The following MAP4 variants were observed in gnomAD, a reference collection of about 807,000 sequenced individuals.
The protein encoded by MAP4 is microtubule associated protein 4.
A neutral mutation model predicts 170.2 loss-of-function variants in MAP4; 76 were observed. The observed-to-expected ratio is 0.45, with a 90% CI of 0.37 to 0.54. The LOEUF is 0.54. Ranked by LOEUF, MAP4 falls within the 20% of genes least tolerant of loss-of-function variation. The pLI, the probability that MAP4 is intolerant of heterozygous loss-of-function variation, is 0.00. For synonymous variants in MAP4, 909 were observed against 994.5 expected (o/e 0.91, Z 1.62); for missense variants, 2,506 against 2,748.0 (o/e 0.91, Z 1.97).
intron 9 of MAP4, among the ~76,000 whole-genome samples, chr3:47,907,134 T>C (rs1047969471): frequency 6.6e-6 from 1 of 152,188 alleles, no homozygotes; most frequent in South Asian, 2.1e-4. Context: ...TGCGCCTGGC[T>C]TCTTTATACT....
intron 1 of MAP4, among the ~76,000 whole-genome samples, chr3:48,056,869 C>T (rs2100132205): frequency 7.5e-6 from 1 of 133,000 alleles, no homozygotes; most frequent in Non-Finnish European, 1.6e-5. Flanking sequence ...CCTGCCCGGC[C>T]AGCCACCCCG....
intron 1 of MAP4, among the ~76,000 whole-genome samples, chr3:48,074,229 G>A (rs1255627828): frequency 6.8e-6 from 1 of 145,996 alleles, no homozygotes; most frequent in Non-Finnish European, 1.5e-5. Flanking sequence ...AACACCGCAT[G>A]TTCTCACTCA....
At chr3:47,860,297 C>T (rs921820936) in intron 17 of MAP4, among the ~76,000 whole-genome samples, 1 of 152,230 alleles carries the variant, frequency 6.6e-6, no homozygotes. Flanking sequence ...GTAGCCTCAA[C>T]CTCCCAGGCT....
intron 3 of MAP4, among the ~76,000 whole-genome samples, chr3:47,952,836 A>C (rs2100065345): frequency 6.6e-6 from 1 of 152,014 alleles, no homozygotes; most frequent in African/African-American, 2.4e-5. Flanking sequence ...AGGCAGAAAA[A>C]TTGCTTGAAC....
chr3:47,888,319 T>C (rs2097975106), intron 10 of MAP4, among the ~76,000 whole-genome samples: 1 of 152,128 alleles, frequency 6.6e-6, no homozygotes, highest in Non-Finnish European at 1.5e-5. Flanking sequence ...GGAAGCTTTG[T>C]TCTTTCGTTC....
Position 48,073,612 on chromosome 3 carries a change from A to T in MAP4, c.-20+15161T>A, listed in dbSNP as rs80071710. On this transcript the variant is annotated intron_variant, in intron 1 of 18. Coordinates refer to the MAP4 transcript ENST00000360240. ...GGTGATAAAAGCAAAACTCCATTTC[A>T]AAAAAAAAAAAGAAGAAAAAAAAAG... Among the ~76,000 whole-genome samples, 5 of 145,838 alleles carry T rather than the reference A, an allele frequency of 3.4e-5. No individual in the cohort carries two copies. The East Asian group carries it at 7.9e-4, about 23-fold the overall frequency.
rs373103572 is a variant in MAP4, at chr3:47,909,382, G to A, written c.5039C>T (p.Thr1680Met). ...LKEISLACKI[T>M]ELESVSLPTP... ...TGGCAAGGAAACGCTTTCCAATTCC[G>A]TGATTTTACAAGCCAGACTAATTTC... Residue 1680 changes from threonine (T) to methionine (M), a missense_variant, in exon 9 of 21, where the codon ACG (threonine) becomes ATG (methionine). Thr to Met is a moderately conservative substitution (Grantham distance 81). Transcript: ENST00000683076. The A allele has an allele frequency of 1.6e-5, 26 of 1,613,804 alleles. No homozygotes were observed. Among genetic ancestry groups the A allele is most frequent in the Non-Finnish European group, 1.8e-5 (21 of 1,179,836 alleles).
chr3:47,991,625 C>T (rs955677958), intron 2 of MAP4, among the ~76,000 whole-genome samples: 4 of 152,066 alleles, frequency 2.6e-5, no homozygotes, highest in Non-Finnish European at 5.9e-5. Flanking sequence ...TATGATTGTG[C>T]CACTGCACTC....
At chr3:47,937,151 T>A (rs1157724450) in intron 3 of MAP4, among the ~76,000 whole-genome samples, 1 of 152,144 alleles carries the variant, frequency 6.6e-6, no homozygotes, top group Non-Finnish European at 1.5e-5. Context: ...CATTTTAATT[T>A]TAAAATTAAT....
At chr3:47,865,575 G>T (rs1269819872) in intron 17 of MAP4, among the ~76,000 whole-genome samples, 3 of 152,182 alleles carry the variant, frequency 2.0e-5, no homozygotes, top group Admixed American at 2.0e-4. Context: ...ACAACTGCTG[G>T]GGGTATCTGT....
At chr3:47,917,917 G>A (rs575533109) in intron 6 of MAP4, among the ~76,000 whole-genome samples, 24 of 152,076 alleles carry the variant, frequency 1.6e-4, no homozygotes, top group Non-Finnish European at 2.9e-4. Flanking sequence ...GCATGATCTC[G>A]GCTCCCGGGT....
chr3:48,004,223 T>C (rs1030776581), intron 1 of MAP4, among the ~76,000 whole-genome samples: 1 of 152,200 alleles, frequency 6.6e-6, no homozygotes, highest in African/African-American at 2.4e-5. Flanking sequence ...TGGAGTTGGC[T>C]GCTTAATATG....
In MAP4 at chr3:47,916,639, C is replaced by T; in HGVS notation, c.1188G>A (p.Met396Ile). ...CTATCTTGTTTTCTTTGGGTGGTCC[C>T]ATGTCCTTGGAAGGAGCCAAGTCCA... is the stretch of plus-strand genomic sequence containing the variant. The part of the protein sequence containing the change: ...IKMDLAPSKD[M>I]GPPKENKIVP... The change falls in exon 7 of 21, where the codon ATG becomes ATA. Residue 396 changes from methionine (M) to isoleucine (I), a missense_variant. Physicochemically the swap from Met to Ile is conservative, Grantham distance 10. Transcript: ENST00000683076. The T allele has an allele frequency of 6.2e-7, 1 of 1,614,172 alleles. No homozygotes were observed. The highest frequency in any genetic ancestry group is 8.5e-7 in the Non-Finnish European group (1 of 1,180,020).
chr3:47,916,440 C>T lies in MAP4; in HGVS notation c.1387G>A (p.Asp463Asn). The T allele has an allele frequency of 6.2e-7, 1 of 1,614,182 alleles. No homozygotes were observed. The highest frequency in any genetic ancestry group is 8.5e-7 in the Non-Finnish European group (1 of 1,180,028). ...TCTGCTTCTAAAGGTAGTGCTTTAT[C>T]CTTGGTCAAGATCACGTTGGTTTCC... is the stretch of plus-strand genomic sequence containing the variant. ...PPETNVILTK[D>N]KALPLEAEVA... Residue 463 changes from aspartate (D) to asparagine (N), a missense_variant, in exon 7 of 21, where the codon GAT becomes AAT. By Grantham distance (23) the Asp-to-Asn change is conservative (BLOSUM62 1). Transcript: ENST00000683076.
rs993769144 is a variant in MAP4, at chr3:48,068,179, C to CATTTG, written c.-20+20589_-20+20593dup. Among the ~76,000 whole-genome samples, 4 of 144,268 alleles carry CATTTG rather than the reference C, an allele frequency of 2.8e-5. No individual in the cohort carries two copies. In the Admixed American group the frequency reaches 2.9e-4, roughly 10 times the overall value. The allele number at this position is 144,268 out of a possible 152,430, so 94.6% of individuals were successfully genotyped here. Reference sequence around the variant, plus strand: ...ACTCAGGAGGCTGAGGTGGGAAGATCATTTGAGCCCAGGAGGCAGAGGCTG... The same window carrying CATTTG: ...ACTCAGGAGGCTGAGGTGGGAAGATCATTTGATTTGAGCCCAGGAGGCAGAGGCTG... On this transcript the variant is annotated intron_variant, in intron 1 of 18. Transcript: ENST00000360240.
In MAP4 at chr3:47,909,788, C is replaced by G; in HGVS notation, c.4633G>C (p.Glu1545Gln). ...TCAGATTCTCCTATCACATGCCCTT[C>G]ATCGATCCCTGCTTCATTTTTCATG... ...DSMKNEAGID[E>Q]GHVIGESESV... is the part of the protein sequence containing the mutation. The change falls in exon 9 of 21, where the codon GAA becomes CAA. Residue 1545 changes from glutamate (E) to glutamine (Q), a missense_variant. By Grantham distance (29) the Glu-to-Gln change is conservative. This residue lies in a region of MAP4 where 2,008 missense variants were observed against 2,206.0 expected (regional missense o/e 0.91). Coordinates refer to ENST00000683076, the MANE Select transcript of MAP4 (RefSeq NM_001385682.1). 1.9e-6 allele frequency: 3 copies of G among 1,614,026 alleles called. No homozygotes were observed. The highest frequency in any genetic ancestry group is 2.5e-6 in the Non-Finnish European group (3 of 1,179,896).
At chr3:48,055,146 T>C (rs1267489028) in intron 1 of MAP4, among the ~76,000 whole-genome samples, 2 of 152,022 alleles carry the variant, frequency 1.3e-5, no homozygotes, top group Non-Finnish European at 2.9e-5. Flanking sequence ...CACCATATTA[T>C]ATCAATACAA....
intron 1 of MAP4, among the ~76,000 whole-genome samples, chr3:48,059,549 C>G (rs887939513): frequency 4.8e-5 from 7 of 145,954 alleles, no homozygotes; most frequent in African/African-American, 1.5e-4. Context: ...AAGACCTACT[C>G]AGGATAGCAA....
At chr3:48,050,804 C>A (rs2100127352) in intron 1 of MAP4, among the ~76,000 whole-genome samples, 1 of 151,020 alleles carries the variant, frequency 6.6e-6, no homozygotes. Flanking sequence ...ACTCGGGAGG[C>A]TGAGGCAAGA....
Sources: gnomAD v4.1 joint callset for allele counts (sites outside exome capture counted in the v4.1 genomes callset) on GRCh38, gnomAD v4.1.1 for gene constraint, gnomAD v4.1.1 regional missense constraint, MANE v1.5 for transcripts, NCBI Gene and HGNC (gene_info 2026-07-23, HGNC 2026-07-21) for gene names.